Variants in AAK1 observed in about 807,000 individuals in gnomAD.
The protein encoded by AAK1 is AP2 associated kinase 1.
In AAK1, 37 loss-of-function variants were observed where a neutral mutation model predicts 116.0. That is an observed-to-expected ratio of 0.32 (90% confidence interval 0.25 to 0.42). The LOEUF is 0.42. Among genes scored for constraint, AAK1 ranks in the 10% least tolerant of loss-of-function variants. The probability of loss-of-function intolerance (pLI) is 1.00; values close to 1 mark genes in which losing one functional copy is unlikely to be tolerated. For missense variants in AAK1, 919 were observed against 1,170.6 expected, an observed-to-expected ratio of 0.79 and a Z score of 3.14; for synonymous variants, 458 against 439.9, an observed-to-expected ratio of 1.04 and a Z score of -0.51.
At chr2:69,543,915 C>T (rs1670824472) in intron 4 of AAK1, among the ~76,000 whole-genome samples, 1 of 152,182 alleles carries the variant, frequency 6.6e-6, no homozygotes, top group Non-Finnish European at 1.5e-5. Flanking sequence ...TGACTTTACT[C>T]CACTGTTAAC....
chr2:69,616,325 C>G (rs1285671641), intron 2 of AAK1, among the ~76,000 whole-genome samples: 3 of 152,084 alleles, frequency 2.0e-5, no homozygotes, highest in Non-Finnish European at 4.4e-5. Flanking sequence ...CTAAATGCCA[C>G]TGAACTGTTC....
At chr2:69,513,755 C>T (rs1676479627) in intron 13 of AAK1, among the ~76,000 whole-genome samples, 1 of 152,212 alleles carries the variant, frequency 6.6e-6, no homozygotes, top group Non-Finnish European at 1.5e-5. Context: ...TTTTCTATCA[C>T]TATCACTCAG....
chr2:69,536,684 G>A (rs1670487944), intron 5 of AAK1, among the ~76,000 whole-genome samples: 1 of 152,162 alleles, frequency 6.6e-6, no homozygotes, highest in African/African-American at 2.4e-5. Context: ...TGCAATTGAA[G>A]TTGTCACTGT....
chr2:69,551,658 A>G (rs1671186848), intron 3 of AAK1, among the ~76,000 whole-genome samples: 1 of 152,206 alleles, frequency 6.6e-6, no homozygotes, highest in African/African-American at 2.4e-5. Context: ...CTGGAGCTGT[A>G]GCTATTTCCT....
At chr2:69,496,795 T>C (rs148604525) in intron 16 of AAK1, among the ~76,000 whole-genome samples, 33 of 152,256 alleles carry the variant, frequency 2.2e-4, no homozygotes, top group African/African-American at 7.7e-4. Context: ...TATCACCCTC[T>C]TGAGGTCCTT....
chr2:69,542,742 G>T, intron 4 of AAK1, 77 bp from the exon 5 acceptor site: 1 of 1,517,830 alleles, frequency 6.6e-7, no homozygotes. Context: ...AATGAACGGC[G>T]TCCAAAGAGA....
intron 2 of AAK1, among the ~76,000 whole-genome samples, chr2:69,588,114 A>G (rs1672869725): frequency 6.6e-6 from 1 of 152,134 alleles, no homozygotes; most frequent in African/African-American, 2.4e-5. Flanking sequence ...ATAAGGGTTC[A>G]AATCCCACAG....
At chr2:69,575,509 G>A (rs1297995803) in intron 2 of AAK1, among the ~76,000 whole-genome samples, 1 of 130,894 alleles carries the variant, frequency 7.6e-6, no homozygotes, top group Non-Finnish European at 1.5e-5. Flanking sequence ...CACTCTTGTC[G>A]CCCAGGCTGG....
chr2:69,469,458 T>C lies in AAK1; in HGVS notation c.*6411A>G, dbSNP rs1674602915. The C allele has an allele frequency of 3.0e-6, 3 of 985,386 alleles. No individual in the cohort carries two copies. The highest frequency in any genetic ancestry group is 4.7e-5 in the South Asian group (1 of 21,296). The allele number at this position is 985,386 out of a possible 1,614,324, so 61.0% of individuals were successfully genotyped here. ...GTTTTCAGGGTGAACAGTTCCTTTA[T>C]ATGAAGGTAGCATTGTGTCAACAAG... On this transcript the variant is annotated 3_prime_UTR_variant, in exon 22 of 22. Coordinates refer to ENST00000409085, the MANE Select transcript of AAK1 (RefSeq NM_014911.5).
chr2:69,511,132 T>C (rs2104973331), intron 13 of AAK1, among the ~76,000 whole-genome samples: 1 of 152,314 alleles, frequency 6.6e-6, no homozygotes, highest in East Asian at 1.9e-4. Context: ...CACCATCCCT[T>C]CCCTCCAGTC....
rs1674504846 is a variant in AAK1 at position 69,466,901 on chromosome 2, G to A, written c.*8968C>T. ...TCATTATGGAATGAAAACAAACCCAGTCATTCATCTCCACATATACCATGA... is the reference window on the plus strand; with the variant it reads ...TCATTATGGAATGAAAACAAACCCAATCATTCATCTCCACATATACCATGA... On this transcript the variant is annotated 3_prime_UTR_variant, in exon 22 of 22. Coordinates refer to ENST00000409085, the MANE Select transcript of AAK1 (RefSeq NM_014911.5). 3 of 985,244 alleles carry A rather than the reference G, an allele frequency of 3.0e-6. No homozygotes were observed. Among genetic ancestry groups the A allele is most frequent in the Non-Finnish European group, 3.6e-6 (3 of 829,936 alleles). The allele number at this position is 985,244 out of a possible 1,614,324, so 61.0% of individuals were successfully genotyped here.
At chr2:69,476,755 T>G in intron 21 of AAK1, 125 bp downstream of exon 21, 1 of 643,714 alleles carries the variant, frequency 1.6e-6, no homozygotes, top group South Asian at 2.0e-5. Context: ...CTACAATGAT[T>G]CTCATTACAC....
intron 2 of AAK1, chr2:69,594,670 T>TG: frequency 1.7e-6 from 1 of 573,924 alleles, no homozygotes; most frequent in Non-Finnish European, 3.1e-6. Context: ...AAAATGTTCT[T>TG]GAAGGAATTT....
chr2:69,538,673 A>G (rs1670580417), intron 5 of AAK1, among the ~76,000 whole-genome samples: 1 of 152,214 alleles, frequency 6.6e-6, no homozygotes, highest in Non-Finnish European at 1.5e-5. Context: ...CTTGAGGTCA[A>G]GAGTTCAAGA....
intron 2 of AAK1, among the ~76,000 whole-genome samples, chr2:69,568,292 C>T (rs1671957801): frequency 6.6e-6 from 1 of 152,174 alleles, no homozygotes; most frequent in Non-Finnish European, 1.5e-5. Flanking sequence ...CACAGTTTTC[C>T]ACACTTACTG....
intron 2 of AAK1, among the ~76,000 whole-genome samples, chr2:69,588,012 C>T (rs1178021115): frequency 1.3e-5 from 2 of 152,062 alleles, no homozygotes; most frequent in Non-Finnish European, 2.9e-5. Flanking sequence ...ATCCTCCTAC[C>T]TCAGCCTCCC....
Position 69,465,531 on chromosome 2 carries a change from G to C in AAK1, c.*10338C>G. The C allele has an allele frequency of 8.5e-6, 11 of 1,290,970 alleles. No individual in the cohort carries two copies. The highest frequency in any genetic ancestry group is 1.1e-5 in the Non-Finnish European group (11 of 988,892). 80.0% of individuals were successfully genotyped at this position (1,290,970 alleles called of 1,614,324 possible). A position where few individuals can be genotyped will look rare whatever the true frequency, so the allele number is the denominator to read the frequency against. On this transcript the variant is annotated 3_prime_UTR_variant, in exon 22 of 22. Transcript: ENST00000409085. ...AAGGGATGTGATAGAAACAGACCCAGCTATCGACTGCTTGTTGGTTTGTGA... is the reference window on the plus strand; with the variant it reads ...AAGGGATGTGATAGAAACAGACCCACCTATCGACTGCTTGTTGGTTTGTGA...
At chr2:69,593,708 TA>T (rs1316714615) in intron 2 of AAK1, among the ~76,000 whole-genome samples, 1 of 152,240 alleles carries the variant, frequency 6.6e-6, no homozygotes, top group Non-Finnish European at 1.5e-5. Context: ...GATAAGCTAC[TA>T]TTTACATCTC....
In AAK1 at chr2:69,468,786, A is replaced by G. The variant is rs985932397; in HGVS notation, c.*7083T>C. On this transcript the variant is annotated 3_prime_UTR_variant, in exon 22 of 22. Coordinates refer to ENST00000409085, the MANE Select transcript of AAK1 (RefSeq NM_014911.5). ...CTAGGAAGTACCAAGGGGTGTGTGT[A>G]TGTGCCCATATTCAGGGTTGGAGAG... 14 of 985,318 alleles carry G rather than the reference A, an allele frequency of 1.4e-5. No individual in the cohort carries two copies. Among genetic ancestry groups the G allele is most frequent in the South Asian group, 4.7e-5 (1 of 21,290 alleles). 61.0% of individuals were successfully genotyped at this position (985,318 alleles called of 1,614,324 possible). A position where few individuals can be genotyped will look rare whatever the true frequency, so the allele number is the denominator to read the frequency against.
Sources: gnomAD v4.1 joint callset for allele counts (sites outside exome capture counted in the v4.1 genomes callset) on GRCh38, gnomAD v4.1.1 for gene constraint, MANE v1.5 for transcripts, NCBI Gene and HGNC (gene_info 2026-07-23, HGNC 2026-07-21) for gene names.